The following PKHD1L1 variants were observed in gnomAD, a reference collection of about 807,000 sequenced individuals.
PKHD1L1 encodes fibrocystin-L.
In PKHD1L1, 434 loss-of-function variants were observed where a neutral mutation model predicts 462.9. That is an observed-to-expected ratio of 0.94 (90% CI 0.87 to 1.02). The LOEUF (loss-of-function observed/expected upper bound fraction) is 1.02, where lower values mean the gene tolerates loss of function less well. Ranked by LOEUF, PKHD1L1 falls within the 50% of genes least tolerant of loss-of-function variation. The pLI, the probability that PKHD1L1 is intolerant of heterozygous loss-of-function variation, is 0.00. For missense variants in PKHD1L1, 5,202 were observed against 5,096.1 expected (o/e 1.02, Z -0.63); for synonymous variants, 1,781 against 1,750.0 (o/e 1.02, Z -0.44).
rs748241571 is a variant in PKHD1L1, at chr8:109,508,283, TA to T, written c.11395+22del. On this transcript the variant is annotated intron_variant, in intron 70 of 77. Coordinates refer to ENST00000378402, the MANE Select transcript of PKHD1L1 (RefSeq NM_177531.6). Reference sequence around the variant, plus strand: ...ATTAATGGTAGGTATTCAATATGAGTAAACTACAATTACTCAAAACATTGCT... The same window carrying T: ...ATTAATGGTAGGTATTCAATATGAGTAACTACAATTACTCAAAACATTGCT... 1 of 1,577,496 alleles carries T rather than the reference TA, an allele frequency of 6.3e-7. No homozygotes were observed.
chr8:109,378,049 A>G lies in PKHD1L1; in HGVS notation c.164-3321A>G, dbSNP rs550188361. On this transcript the variant is annotated intron_variant, in intron 2 of 77. Coordinates refer to ENST00000378402, the MANE Select transcript of PKHD1L1 (RefSeq NM_177531.6). ...TATACTGTTATTCTGCCCATCTGAAAAAAAGTAAAAGAAAAATCATCAGCC... is the reference window on the plus strand; with the variant it reads ...TATACTGTTATTCTGCCCATCTGAAGAAAAGTAAAAGAAAAATCATCAGCC... Among the ~76,000 whole-genome samples, 132 of 152,258 alleles carry G rather than the reference A, an allele frequency of 8.7e-4. 1 individual carries two copies. The highest frequency in any genetic ancestry group is 2.6e-4 in the Non-Finnish European group (18 of 68,020).
chr8:109,366,287 C>T (rs1811225919), intron 2 of PKHD1L1, among the ~76,000 whole-genome samples: 1 of 152,188 alleles, frequency 6.6e-6, no homozygotes, highest in Admixed American at 6.5e-5. Flanking sequence ...TTTGGCATTG[C>T]AGATACTTAA....
chr8:109,481,579 AC>A lies in PKHD1L1; in HGVS notation c.9457+19del, dbSNP rs767684241. On this transcript the variant is annotated intron_variant, in intron 56 of 77. Coordinates refer to ENST00000378402, the MANE Select transcript of PKHD1L1 (RefSeq NM_177531.6). Reference sequence around the variant, plus strand: ...AGGTCTTAGGTGTGTGTCTACAGATACCAAAAGTGTCACATCTGTTTTAAGA... The same window carrying A: ...AGGTCTTAGGTGTGTGTCTACAGATACAAAAGTGTCACATCTGTTTTAAGA... 6.5e-7 allele frequency: 1 copy of A among 1,541,438 alleles called. No homozygotes were observed. The highest frequency in any genetic ancestry group is 8.7e-7 in the Non-Finnish European group (1 of 1,148,388).
chr8:109,527,464 A>G (rs769502374), intron 77 of PKHD1L1, among the ~76,000 whole-genome samples: 5 of 152,206 alleles, frequency 3.3e-5, no homozygotes, highest in Non-Finnish European at 7.4e-5. Context: ...AGATCCCACC[A>G]CTGCACTCCA....
At position 109,394,616 on chromosome 8, in the gene PKHD1L1, C is replaced by G. The variant is rs1439699431; in HGVS notation, c.811+131C>G. 9.9e-6 allele frequency: 5 copies of G among 507,518 alleles called. No homozygotes were observed. In the East Asian group the frequency reaches 1.7e-4, roughly 18 times the overall value. The allele number at this position is 507,518 out of a possible 1,614,324, so 31.4% of individuals were successfully genotyped here. ...ATGTACTGCTAGGAAAGGAAAAATCCCTAAGATGGGGAGTCTAACAGGAAG... is the reference window on the plus strand; with the variant it reads ...ATGTACTGCTAGGAAAGGAAAAATCGCTAAGATGGGGAGTCTAACAGGAAG... On this transcript the variant is annotated intron_variant, in intron 10 of 77. Transcript: ENST00000378402.
chr8:109,432,448 T>A (rs911949641), intron 27 of PKHD1L1, among the ~76,000 whole-genome samples: 1 of 152,212 alleles, frequency 6.6e-6, no homozygotes, highest in Non-Finnish European at 1.5e-5. Context: ...GAATCTATAT[T>A]GTGCATGGTG....
intron 67 of PKHD1L1, among the ~76,000 whole-genome samples, chr8:109,501,395 G>C (rs1252781648): frequency 3.3e-5 from 5 of 152,184 alleles, no homozygotes; most frequent in African/African-American, 1.2e-4. Flanking sequence ...CACTTTGTGA[G>C]TCCTAGTATG....
intron 19 of PKHD1L1, 61 bp downstream of exon 19, chr8:109,410,039 AT>A: frequency 1.1e-6 from 1 of 904,894 alleles, no homozygotes; most frequent in Non-Finnish European, 1.6e-6. Context: ...ATGGTTTTAA[AT>A]TTTATAATTT....
Position 109,522,282 on chromosome 8 carries a change from C to G in PKHD1L1, c.12128C>G (p.Ser4043Trp). 1 of 1,606,830 alleles carries G rather than the reference C, an allele frequency of 6.2e-7. No homozygotes were observed. Residue 4043 changes from serine (S) to tryptophan (W), a missense_variant, in exon 74 of 78, where the codon TCG becomes TGG. This residue lies in a region of PKHD1L1 where 698 missense variants were observed against 736.3 expected (regional missense o/e 0.95). Coordinates refer to ENST00000378402, the MANE Select transcript of PKHD1L1 (RefSeq NM_177531.6). ...NISSILGFNI[S>W]SMSITNPLPS... ...AGTAGTATCCTTGGATTTAACATTT[C>G]GTCCATGTCTATTACTAATCCCCTC...
intron 68 of PKHD1L1, among the ~76,000 whole-genome samples, chr8:109,505,251 C>A (rs1819632290): frequency 6.6e-6 from 1 of 152,012 alleles, no homozygotes; most frequent in Non-Finnish European, 1.5e-5. Flanking sequence ...TTATTTCTTC[C>A]ATTTTTCTTA....
intron 67 of PKHD1L1, among the ~76,000 whole-genome samples, chr8:109,503,314 A>C (rs1367145850): frequency 5.1e-5 from 4 of 78,240 alleles, no homozygotes; most frequent in Non-Finnish European, 1.0e-4. Flanking sequence ...ACAAAAACAA[A>C]CAAAAAAAAA....
At chr8:109,444,121 C>CA (rs201227375) in intron 37 of PKHD1L1, among the ~76,000 whole-genome samples, 4 of 130,312 alleles carry the variant, frequency 3.1e-5, no homozygotes, top group Non-Finnish European at 5.0e-5. Flanking sequence ...TACCTCCCCC[C>CA]CCCAAAAAAA....
chr8:109,484,051 TCA>T lies in PKHD1L1; in HGVS notation c.9576+949_9576+950del, dbSNP rs143806556. Among the ~76,000 whole-genome samples the T allele has an allele frequency of 6.2e-3, 941 of 151,912 alleles. 9 individuals carry two copies. The highest frequency in any genetic ancestry group is 0.022 in the African/African-American group (899 of 41,508). On this transcript the variant is annotated intron_variant, in intron 57 of 77. Coordinates refer to ENST00000378402, the MANE Select transcript of PKHD1L1 (RefSeq NM_177531.6). ...TTTCTGGTGAGAACAAGCTTTAGAC[TCA>T]CAGAACAAAGAGAGCCTTAGTTTGG...
intron 24 of PKHD1L1, among the ~76,000 whole-genome samples, chr8:109,426,259 T>C (rs937459716): frequency 6.6e-6 from 1 of 152,044 alleles, no homozygotes; most frequent in Non-Finnish European, 1.5e-5. Flanking sequence ...TCAAAATCGA[T>C]TTTAAAAATA....
At chr8:109,372,556 T>C (rs1811570521) in intron 2 of PKHD1L1, among the ~76,000 whole-genome samples, 1 of 152,218 alleles carries the variant, frequency 6.6e-6, no homozygotes, top group Non-Finnish European at 1.5e-5. Context: ...ATAGGAGTGG[T>C]GAGAGAGGGC....
At chr8:109,437,011 G>A (rs955143749) in intron 30 of PKHD1L1, among the ~76,000 whole-genome samples, 4 of 152,168 alleles carry the variant, frequency 2.6e-5, no homozygotes, top group African/African-American at 9.7e-5. Context: ...TGCCTCCCGG[G>A]TTCAAGCGAT....
chr8:109,461,015 GTTAGTGC>G, intron 47 of PKHD1L1, among the ~76,000 whole-genome samples: 1 of 152,294 alleles, frequency 6.6e-6, no homozygotes, highest in East Asian at 1.9e-4. Context: ...AAGAGAGTGA[GTTAGTGC>G]AAAACCCATA....
intron 74 of PKHD1L1, 106 bp from the exon 75 acceptor site, chr8:109,522,638 T>C: frequency 8.7e-7 from 1 of 1,154,166 alleles, no homozygotes; most frequent in Non-Finnish European, 1.2e-6. Flanking sequence ...ATTGAACATA[T>C]TCCAAAATAA....
At chr8:109,407,132 G>C (rs1175172538) in intron 17 of PKHD1L1, among the ~76,000 whole-genome samples, 1 of 152,074 alleles carries the variant, frequency 6.6e-6, no homozygotes, top group Non-Finnish European at 1.5e-5. Flanking sequence ...AGCTCAGAAA[G>C]TAGGTCCCTG....
Sources: allele counts gnomAD v4.1 joint callset (sites outside exome capture counted in the v4.1 genomes callset), GRCh38; gene constraint gnomAD v4.1.1; regional missense constraint gnomAD v4.1.1; transcripts MANE v1.5; gene names NCBI Gene and HGNC (gene_info 2026-07-23, HGNC 2026-07-21).